RBFOX3: variants seen among roughly 807,000 people sequenced by gnomAD.
RBFOX3 encodes the protein RNA binding protein fox-1 homolog 3.
Under a neutral mutation model 48.7 loss-of-function variants are expected in RBFOX3, and 17 were observed. The observed-to-expected ratio is 0.35, with a 90% CI of 0.24 to 0.52. RBFOX3 has a LOEUF of 0.52. Ranked by LOEUF, RBFOX3 falls within the 20% of genes least tolerant of loss-of-function variation. The pLI is 0.94. For synonymous variants in RBFOX3, 212 were observed against 209.5 expected, an observed-to-expected ratio of 1.01 and a Z score of -0.10; for missense variants, 382 against 497.5, an observed-to-expected ratio of 0.77 and a Z score of 2.21.
At chr17:79,269,551 C>G (rs189684398) in intron 3 of RBFOX3, among the ~76,000 whole-genome samples, 1 of 152,206 alleles carries the variant, frequency 6.6e-6, no homozygotes, top group Admixed American at 6.5e-5. Flanking sequence ...TCTATTGTCA[C>G]CTGGCCCTCT....
chr17:79,182,816 T>C (rs1232498203), intron 4 of RBFOX3, among the ~76,000 whole-genome samples: 1 of 145,220 alleles, frequency 6.9e-6, no homozygotes, highest in Non-Finnish European at 1.5e-5. Flanking sequence ...GCAGCAGAGC[T>C]CGGCGCCCCC....
intron 3 of RBFOX3, among the ~76,000 whole-genome samples, chr17:79,244,522 C>T (rs1419855645): frequency 2.4e-5 from 3 of 122,938 alleles, no homozygotes; most frequent in South Asian, 2.9e-4. Flanking sequence ...GCGAGGGCTG[C>T]GGGCGCACAG....
intron 1 of RBFOX3, among the ~76,000 whole-genome samples, chr17:79,579,012 C>A (rs1375090750): frequency 1.3e-5 from 2 of 152,232 alleles, no homozygotes; most frequent in African/African-American, 4.8e-5. Flanking sequence ...GCCCCCTCAA[C>A]GTCCTGAGCA....
At chr17:79,379,273 G>A (rs1384055154) in intron 2 of RBFOX3, among the ~76,000 whole-genome samples, 1 of 152,084 alleles carries the variant, frequency 6.6e-6, no homozygotes, top group Non-Finnish European at 1.5e-5. Context: ...CACATTGTGG[G>A]GTCACTGCCA....
chr17:79,321,965 C>CA (rs2078595899), intron 2 of RBFOX3, among the ~76,000 whole-genome samples: 1 of 152,184 alleles, frequency 6.6e-6, no homozygotes, highest in Non-Finnish European at 1.5e-5. Flanking sequence ...CTTGGCCTCC[C>CA]AGAGTGTTGG....
chr17:79,527,182 G>A (rs1028027744), intron 1 of RBFOX3, among the ~76,000 whole-genome samples: 19 of 152,366 alleles, frequency 1.2e-4, no homozygotes, highest in African/African-American at 3.8e-4. Context: ...CCTTTAGCTC[G>A]GCTTGGTCTC....
At chr17:79,597,572 G>C (rs1034275409) in intron 1 of RBFOX3, among the ~76,000 whole-genome samples, 1 of 152,230 alleles carries the variant, frequency 6.6e-6, no homozygotes. Context: ...AACAGAGGGA[G>C]AGGTTGAGAC....
At chr17:79,286,818 AG>A (rs141872088) in intron 3 of RBFOX3, among the ~76,000 whole-genome samples, 5,620 of 152,264 alleles carry the variant, frequency 0.037, 145 homozygotes, top group Non-Finnish European at 0.05. Flanking sequence ...GGGAAGACGG[AG>A]GTGCCCAGCA....
chr17:79,192,012 T>C (rs1054342431), intron 4 of RBFOX3, among the ~76,000 whole-genome samples: 2 of 152,064 alleles, frequency 1.3e-5, no homozygotes, highest in African/African-American at 4.8e-5. Flanking sequence ...GCCTATCTGG[T>C]GGGGGTGTGG....
chr17:79,597,677 C>T (rs1450984831), intron 1 of RBFOX3, among the ~76,000 whole-genome samples: 3 of 152,208 alleles, frequency 2.0e-5, no homozygotes, highest in Admixed American at 2.0e-4. Flanking sequence ...TCTGCATCCA[C>T]GGTCACCTAC....
chr17:79,482,300 CAA>C lies in RBFOX3; in HGVS notation c.-175+152_-175+153del, dbSNP rs1424750178. On this transcript the variant is annotated intron_variant, in intron 2 of 14. Coordinates refer to ENST00000693108, the MANE Select transcript of RBFOX3 (RefSeq NM_001350451.2). The surrounding 1 kb of genome is among the most constrained non-coding windows in gnomAD (Gnocchi z 4.1). ...CGTCGATGTTCCCCCTCCTACTCCA[CAA>C]AGACACCATGACTTGAAAGCTATAG... Among the ~76,000 whole-genome samples, 1 of 152,206 alleles carries C rather than the reference CAA, an allele frequency of 6.6e-6. No individual in the cohort carries two copies. The highest frequency in any genetic ancestry group is 2.4e-5 in the African/African-American group (1 of 41,442).
intron 2 of RBFOX3, among the ~76,000 whole-genome samples, chr17:79,439,613 T>G (rs1027375050): frequency 6.6e-6 from 1 of 152,238 alleles, no homozygotes; most frequent in East Asian, 1.9e-4. Context: ...GTGTATGTCA[T>G]GCACACACTC....
intron 3 of RBFOX3, among the ~76,000 whole-genome samples, chr17:79,275,623 G>C (rs112575551): frequency 0.012 from 1,824 of 152,308 alleles, 38 homozygotes; most frequent in African/African-American, 0.041. Context: ...AGGCAGGGTT[G>C]CCAGCACACC....
At chr17:79,561,501 C>T (rs1047866388) in intron 1 of RBFOX3, among the ~76,000 whole-genome samples, 1 of 152,180 alleles carries the variant, frequency 6.6e-6, no homozygotes, top group Non-Finnish European at 1.5e-5. Context: ...CAGAGACACA[C>T]GAACGAGGCT....
intron 2 of RBFOX3, among the ~76,000 whole-genome samples, chr17:79,383,031 A>AACAC (rs60851419): frequency 0.053 from 7,539 of 141,208 alleles, 239 homozygotes; most frequent in East Asian, 0.1. Context: ...CTGCCTCTCA[A>AACAC]ACACACACAC....
At chr17:79,193,241 C>A (rs1371992179) in intron 4 of RBFOX3, among the ~76,000 whole-genome samples, 1 of 152,178 alleles carries the variant, frequency 6.6e-6, no homozygotes, top group Non-Finnish European at 1.5e-5. Context: ...GGGGAGATTA[C>A]GCTCGGAAGC....
intron 2 of RBFOX3, among the ~76,000 whole-genome samples, chr17:79,329,677 C>T (rs1012452947): frequency 2.0e-5 from 3 of 152,154 alleles, no homozygotes; most frequent in African/African-American, 7.2e-5. Flanking sequence ...CCCCCCACCC[C>T]GGCCTAATGG....
intron 4 of RBFOX3, among the ~76,000 whole-genome samples, chr17:79,163,300 C>CCGGGGCCT (rs1158845777): frequency 6.6e-6 from 1 of 152,194 alleles, no homozygotes; most frequent in African/African-American, 2.4e-5. Context: ...AGCCGCAGGC[C>CCGGGGCCT]CGGGGCCTCA....
At chr17:79,612,752 T>C (rs1433474510), upstream of RBFOX3, among the ~76,000 whole-genome samples, 4 of 152,192 alleles carry the variant, frequency 2.6e-5, no homozygotes, top group Non-Finnish European at 5.9e-5. Context: ...AAGCCCTAAT[T>C]GGGCCTCTTG....
Sources: gnomAD v4.1 joint callset for allele counts (sites outside exome capture counted in the v4.1 genomes callset) on GRCh38, gnomAD v4.1.1 for gene constraint, Gnocchi (gnomAD v3.1) non-coding constraint, MANE v1.5 for transcripts, NCBI Gene and HGNC (gene_info 2026-07-23, HGNC 2026-07-21) for gene names.